Variants in ZNF676 observed in about 807,000 individuals in gnomAD.
ZNF676 encodes zinc finger protein 676.
A neutral mutation model predicts 6.0 loss-of-function variants in ZNF676; 4 were observed. That is an observed-to-expected ratio of 0.67 (90% CI 0.33 to 1.53). The LOEUF (loss-of-function observed/expected upper bound fraction) is 1.53. Ranked by LOEUF, ZNF676 falls within the 40% of genes most tolerant of loss-of-function variation. ZNF676 has a pLI of 0.06. For synonymous variants in ZNF676, 198 were observed against 223.1 expected (o/e 0.89, Z 1.00); for missense variants, 644 against 679.7 (o/e 0.95, Z 0.58).
In ZNF676 at chr19:22,196,722, G is replaced by A; in HGVS notation, c.-89C>T. ...TATGGCCACATCCCTAAATGTCAAT[G>A]CTCCCTGGAAAACACACACAAACAC... On this transcript the variant is annotated 5_prime_UTR_variant, in exon 1 of 3. Transcript: ENST00000397121. 1 of 1,606,198 alleles carries A rather than the reference G, an allele frequency of 6.2e-7. No homozygotes were observed. Among genetic ancestry groups the A allele is most frequent in the East Asian group, 2.2e-5 (1 of 44,814 alleles).
intron 2 of ZNF676, among the ~76,000 whole-genome samples, chr19:22,191,833 G>A (rs1419050267): frequency 1.3e-5 from 2 of 151,992 alleles, no homozygotes; most frequent in African/African-American, 4.8e-5. Flanking sequence ...CACCCTGGGG[G>A]CCCCAAAAAA....
At chr19:22,237,974 ACT>A in the ZNF676 span, among the ~76,000 whole-genome samples, 2 of 152,120 alleles carry the variant, frequency 1.3e-5, no homozygotes, top group Non-Finnish European at 2.9e-5. Context: ...AGGAGATGAG[ACT>A]CTCACACAGG....
the ZNF676 span, among the ~76,000 whole-genome samples, chr19:22,257,737 C>T: frequency 2.0e-5 from 3 of 151,996 alleles, no homozygotes; most frequent in African/African-American, 7.2e-5. Flanking sequence ...AGTCATATCA[C>T]CTAGTTGCTT....
At chr19:22,250,325 AG>A in the ZNF676 span, among the ~76,000 whole-genome samples, 1 of 152,180 alleles carries the variant, frequency 6.6e-6, no homozygotes, top group African/African-American at 2.4e-5. Context: ...ATAAACTACA[AG>A]AAAAAAAAGA....
At chr19:22,227,187 A>G in the ZNF676 span, among the ~76,000 whole-genome samples, 1 of 152,170 alleles carries the variant, frequency 6.6e-6, no homozygotes, top group Non-Finnish European at 1.5e-5. Flanking sequence ...CAATCAAATT[A>G]AAACTCTGGA....
the ZNF676 span, among the ~76,000 whole-genome samples, chr19:22,254,704 C>T: frequency 6.6e-6 from 1 of 152,168 alleles, no homozygotes; most frequent in Non-Finnish European, 1.5e-5. Flanking sequence ...AGAGGAAAGT[C>T]ACGTCACCTA....
the ZNF676 span, among the ~76,000 whole-genome samples, chr19:22,228,409 G>A: frequency 6.6e-6 from 1 of 152,150 alleles, no homozygotes; most frequent in Admixed American, 6.5e-5. Context: ...TACTGAATGG[G>A]CAAAACCTGG....
At chr19:22,215,463 G>C (rs2024174777) in intron 1 of ZNF676, among the ~76,000 whole-genome samples, 1 of 152,184 alleles carries the variant, frequency 6.6e-6, no homozygotes, top group Non-Finnish European at 1.5e-5. Flanking sequence ...CAGGACGCCC[G>C]GCGGCCCGCG....
chr19:22,217,328 C>T (rs545525377), upstream of ZNF676, among the ~76,000 whole-genome samples: 1 of 152,204 alleles, frequency 6.6e-6, no homozygotes, highest in Non-Finnish European at 1.5e-5. Flanking sequence ...TCAGCCTTCC[C>T]GAGTATCTGG....
rs1174701295 is a variant in ZNF676 at position 22,181,372 on chromosome 19, A to G, written c.345T>C (p.Cys115=). 5.0e-6 allele frequency: 8 copies of G among 1,613,628 alleles called. No individual in the cohort carries two copies. Among genetic ancestry groups the G allele is most frequent in the African/African-American group, 1.3e-5 (1 of 74,922 alleles). The part of the protein sequence containing the change: ...LTTTQSKVFQ[C]GKYANVFHKC... ...TATGAAAGACGTTTGCATATTTGCC[A>G]CATTGAAATACTTTGCTCTGTGTAG... is the stretch of plus-strand genomic sequence containing the variant. The change falls in exon 3 of 3, where the codon TGT becomes TGC. Residue 115 remains cysteine (C), a synonymous_variant. Transcript: ENST00000397121.
At chr19:22,219,660 T>TA (rs948886522), upstream of ZNF676, among the ~76,000 whole-genome samples, 2 of 141,568 alleles carry the variant, frequency 1.4e-5, no homozygotes, top group African/African-American at 5.7e-5. Flanking sequence ...CACAGATAGA[T>TA]TTTTTTTTTT....
upstream of ZNF676, chr19:22,215,806 C>G (rs1050345831): frequency 1.1e-4 from 67 of 591,102 alleles, 2 homozygotes; most frequent in Middle Eastern, 1.4e-3. Context: ...GTCCCCCCCC[C>G]CAGCTGCCTG....
At chr19:22,218,576 C>T (rs1157866359), upstream of ZNF676, among the ~76,000 whole-genome samples, 1 of 151,340 alleles carries the variant, frequency 6.6e-6, no homozygotes, top group African/African-American at 2.4e-5. Context: ...GAACTCCTGA[C>T]CTCGTGATCC....
chr19:22,213,450 G>C (rs888249972), intron 1 of ZNF676, among the ~76,000 whole-genome samples: 15 of 152,150 alleles, frequency 9.9e-5, no homozygotes, highest in African/African-American at 3.4e-4. Context: ...ACCTCAAGGG[G>C]TTAGCTTTCC....
At chr19:22,201,621 GCAGA>G (rs968783049), upstream of ZNF676, among the ~76,000 whole-genome samples, 2 of 149,496 alleles carry the variant, frequency 1.3e-5, no homozygotes, top group Non-Finnish European at 3.0e-5. Context: ...ATGAACATAA[GCAGA>G]CAGTTTATTT....
chr19:22,227,790 C>A, the ZNF676 span, among the ~76,000 whole-genome samples: 2 of 152,172 alleles, frequency 1.3e-5, no homozygotes, highest in Non-Finnish European at 2.9e-5. Context: ...GACACATACC[C>A]TCTGAAGACT....
In ZNF676 at chr19:22,213,826, G is replaced by A. The variant is rs2024156756; in HGVS notation, c.3+1806C>T. On this transcript the variant is annotated intron_variant, in intron 1 of 3. Coordinates refer to the ZNF676 transcript ENST00000650058. The stretch of plus-strand genomic sequence containing the variant: ...AGACACAGCCATGGCCAGTATCTTG[G>A]TTTTTCCCCAGACAGTACTGAATCT... Among the ~76,000 whole-genome samples, 5 of 152,130 alleles carry A rather than the reference G, an allele frequency of 3.3e-5. No homozygotes were observed. In the South Asian group the frequency reaches 6.2e-4, roughly 19 times the overall value.
chr19:22,198,595 C>G (rs2023995045), upstream of ZNF676, among the ~76,000 whole-genome samples: 2 of 152,124 alleles, frequency 1.3e-5, no homozygotes. Context: ...CAAATTACAC[C>G]TGCATCTTGA....
chr19:22,182,673 A>T (rs2023777282), intron 2 of ZNF676, among the ~76,000 whole-genome samples: 1 of 151,000 alleles, frequency 6.6e-6, no homozygotes, highest in African/African-American at 2.4e-5. Flanking sequence ...TAAAAGAAAA[A>T]AAAAAAAAGA....
Sources: allele counts gnomAD v4.1 joint callset (sites outside exome capture counted in the v4.1 genomes callset), GRCh38; gene constraint gnomAD v4.1.1; transcripts MANE v1.5; gene names NCBI Gene and HGNC (gene_info 2026-07-23, HGNC 2026-07-21).